Variants in MCC observed in about 807,000 individuals in gnomAD.
The protein encoded by MCC is MCC regulator of Wnt signaling pathway.
Under a neutral mutation model 116.2 loss-of-function variants are expected in MCC, and 90 were observed. The ratio of observed to expected loss-of-function variants is 0.77; its 90% CI spans 0.65 to 0.92. The LOEUF is 0.92. Among genes scored for constraint, MCC ranks in the 40% least tolerant of loss-of-function variants. The pLI, the probability that MCC is intolerant of heterozygous loss-of-function variation, is 0.00. For synonymous variants in MCC, 578 were observed against 510.5 expected, an observed-to-expected ratio of 1.13 and a Z score of -1.78; for missense variants, 1,516 against 1,312.2, an observed-to-expected ratio of 1.16 and a Z score of -2.40.
At chr5:113,104,445 T>G in intron 6 of MCC, 90 bp from the exon 7 acceptor site, 1 of 1,177,222 alleles carries the variant, frequency 8.5e-7, no homozygotes, top group South Asian at 1.6e-5. Context: ...GGTAATGGGA[T>G]GGCAATGGAG....
chr5:113,373,588 A>G (rs1462159065), intron 2 of MCC, among the ~76,000 whole-genome samples: 1 of 152,162 alleles, frequency 6.6e-6, no homozygotes, highest in Non-Finnish European at 1.5e-5. Flanking sequence ...TTCCTCTTTC[A>G]TTCCCTTGTT....
intron 3 of MCC, among the ~76,000 whole-genome samples, chr5:113,320,168 A>C (rs1247555992): frequency 6.6e-6 from 1 of 152,188 alleles, no homozygotes; most frequent in Non-Finnish European, 1.5e-5. Context: ...CTTTTGCAAA[A>C]ATTCAACCAG....
rs575065424 is a variant in MCC at position 113,075,236 on chromosome 5, A to G, written c.1785-4002T>C. Among the ~76,000 whole-genome samples the G allele has an allele frequency of 8.6e-4, 131 of 152,292 alleles. 1 individual carries two copies. Among genetic ancestry groups the G allele is most frequent in the Non-Finnish European group, 1.4e-3 (97 of 68,010 alleles). On this transcript the variant is annotated intron_variant, in intron 11 of 18. Transcript: ENST00000408903. ...ACAGCACTTCCGGCCCGCTCGCGCC[A>G]CGCTCGAATTCTCACTGGGCCTCAG...
intron 17 of MCC, among the ~76,000 whole-genome samples, chr5:113,037,996 T>C (rs1221014578): frequency 6.6e-6 from 1 of 152,208 alleles, no homozygotes; most frequent in African/African-American, 2.4e-5. Flanking sequence ...TAAGGTATTC[T>C]GGCGGCAGAA....
intron 3 of MCC, among the ~76,000 whole-genome samples, chr5:113,173,204 A>G (rs1393056131): frequency 6.6e-6 from 1 of 152,168 alleles, no homozygotes; most frequent in Non-Finnish European, 1.5e-5. Flanking sequence ...TTTTGTTTAG[A>G]AAGACATCCT....
At chr5:113,391,477 G>T (rs1196368340) in intron 1 of MCC, among the ~76,000 whole-genome samples, 1 of 152,160 alleles carries the variant, frequency 6.6e-6, no homozygotes, top group East Asian at 1.9e-4. Context: ...CACTTTTAAA[G>T]GCCAAGGCAG....
At chr5:113,339,231 A>G (rs1391819344) in intron 3 of MCC, among the ~76,000 whole-genome samples, 2 of 145,588 alleles carry the variant, frequency 1.4e-5, no homozygotes, top group Middle Eastern at 3.5e-3. Flanking sequence ...CATCTCAAAA[A>G]AAAAAACAAA....
intron 2 of MCC, among the ~76,000 whole-genome samples, chr5:113,379,586 T>G (rs1769064924): frequency 6.6e-6 from 1 of 152,210 alleles, no homozygotes; most frequent in Non-Finnish European, 1.5e-5. Context: ...ACAAGTAAAG[T>G]GCCTAGCAAA....
intron 8 of MCC, among the ~76,000 whole-genome samples, chr5:113,099,477 A>G (rs758087926): frequency 6.6e-6 from 1 of 152,264 alleles, no homozygotes; most frequent in African/African-American, 2.4e-5. Context: ...ATTTTACTCC[A>G]AAGAACTACT....
chr5:113,338,881 C>T (rs902027594), intron 3 of MCC, among the ~76,000 whole-genome samples: 17 of 152,192 alleles, frequency 1.1e-4, no homozygotes, highest in African/African-American at 4.1e-4. Flanking sequence ...AGTGCAATAA[C>T]TATGAATGTT....
chr5:113,050,904 T>C (rs1752439360), intron 15 of MCC, among the ~76,000 whole-genome samples: 1 of 152,178 alleles, frequency 6.6e-6, no homozygotes, highest in Admixed American at 6.5e-5. Flanking sequence ...GAGCCACAGC[T>C]CAGACCCCTA....
intron 11 of MCC, among the ~76,000 whole-genome samples, chr5:113,080,812 C>CAAAAAA (rs1236992447): frequency 1.8e-5 from 2 of 111,158 alleles, no homozygotes; most frequent in African/African-American, 7.7e-5. Context: ...TTAACAACAA[C>CAAAAAA]AACAAAAAAA....
chr5:113,131,991 T>G (rs1355812811), intron 5 of MCC, among the ~76,000 whole-genome samples: 1 of 152,130 alleles, frequency 6.6e-6, no homozygotes, highest in African/African-American at 2.4e-5. Flanking sequence ...ATACTAACCT[T>G]CTCTGTAGTC....
In MCC at chr5:113,242,925, G is replaced by C. The variant is rs1313098251; in HGVS notation, c.628-91503C>G. Among the ~76,000 whole-genome samples the C allele has an allele frequency of 2.0e-5, 3 of 152,208 alleles. No homozygotes were observed. The East Asian group carries it at 5.8e-4, about 29-fold the overall frequency. ...GTGATAGGAGCCAGTGGTGGTGAGAGTTTCCTCTCCTCAGTGAGAGCGAGA... is the reference window on the plus strand; with the variant it reads ...GTGATAGGAGCCAGTGGTGGTGAGACTTTCCTCTCCTCAGTGAGAGCGAGA... On this transcript the variant is annotated intron_variant, in intron 3 of 18. Coordinates refer to ENST00000408903, the MANE Select transcript of MCC (RefSeq NM_001085377.2).
chr5:113,151,877 G>A (rs967721961), intron 3 of MCC, among the ~76,000 whole-genome samples: 1 of 151,818 alleles, frequency 6.6e-6, no homozygotes, highest in Admixed American at 6.6e-5. Context: ...TGCTGCATAT[G>A]TGACAGGCAG....
chr5:113,460,978 C>T (rs537449991), intron 1 of MCC, among the ~76,000 whole-genome samples: 65 of 152,338 alleles, frequency 4.3e-4, no homozygotes, highest in Admixed American at 8.5e-4. Flanking sequence ...GCATTAATTA[C>T]TATAAGCCAA....
At chr5:113,234,700 C>G (rs1477191837) in intron 3 of MCC, 1 of 152,214 alleles carries the variant, frequency 6.6e-6, no homozygotes, top group East Asian at 1.9e-4. Flanking sequence ...AAACAGGACT[C>G]TTCTTCCTGC....
chr5:113,184,497 T>A (rs188028926), intron 3 of MCC, among the ~76,000 whole-genome samples: 10,753 of 117,214 alleles, frequency 0.092, 541 homozygotes, highest in Non-Finnish European at 0.14. Flanking sequence ...TTTTTTTTTT[T>A]GGAGACAGAG....
chr5:113,270,510 A>G (rs1561496827), intron 3 of MCC, among the ~76,000 whole-genome samples: 1 of 151,466 alleles, frequency 6.6e-6, no homozygotes, highest in East Asian at 1.9e-4. Flanking sequence ...CCCAAGGGCT[A>G]ACGTCCTTTA....
Sources: gnomAD v4.1 joint callset for allele counts (sites outside exome capture counted in the v4.1 genomes callset) on GRCh38, gnomAD v4.1.1 for gene constraint, MANE v1.5 for transcripts, NCBI Gene and HGNC (gene_info 2026-07-23, HGNC 2026-07-21) for gene names.